Variants in CTNND2 observed in about 807,000 individuals in gnomAD.
The protein encoded by CTNND2 is catenin delta-2.
CTNND2 carries 22 observed loss-of-function variants against 144.4 expected under a neutral mutation model. That is an observed-to-expected ratio of 0.15 (90% confidence interval 0.11 to 0.22). The LOEUF (loss-of-function observed/expected upper bound fraction) is 0.22, where lower values mean the gene tolerates loss of function less well. Among genes scored for constraint, CTNND2 ranks in the 10% least tolerant of loss-of-function variants. The probability of loss-of-function intolerance (pLI) is 1.00; values close to 1 mark genes in which losing one functional copy is unlikely to be tolerated. For synonymous variants in CTNND2, 751 were observed against 695.6 expected (o/e 1.08, Z -1.25); for missense variants, 1,353 against 1,618.8 (o/e 0.84, Z 2.82).
chr5:11,276,135 C>T (rs753106842), intron 9 of CTNND2, among the ~76,000 whole-genome samples: 4 of 152,166 alleles, frequency 2.6e-5, no homozygotes, highest in South Asian at 2.1e-4. Flanking sequence ...TCAGTGAGGA[C>T]GTGACATTCG....
intron 2 of CTNND2, among the ~76,000 whole-genome samples, chr5:11,574,874 A>T (rs1212212872): frequency 6.6e-6 from 1 of 152,196 alleles, no homozygotes; most frequent in African/African-American, 2.4e-5. Flanking sequence ...AAAATCGATG[A>T]CTTGCATTTC....
At chr5:11,516,823 C>T (rs947978100) in intron 3 of CTNND2, among the ~76,000 whole-genome samples, 2 of 152,094 alleles carry the variant, frequency 1.3e-5, no homozygotes, top group Admixed American at 6.5e-5. Flanking sequence ...CAGAAGTTAA[C>T]ATGCTTACCC....
chr5:11,798,399 T>C (rs191844373), intron 1 of CTNND2, among the ~76,000 whole-genome samples: 2 of 152,338 alleles, frequency 1.3e-5, no homozygotes, highest in East Asian at 1.9e-4. Context: ...ACTCTTCTGG[T>C]AACCACTGAT....
chr5:11,796,766 C>A (rs1791427982), intron 1 of CTNND2, among the ~76,000 whole-genome samples: 1 of 152,034 alleles, frequency 6.6e-6, no homozygotes, highest in Non-Finnish European at 1.5e-5. Flanking sequence ...AAAACTAAAC[C>A]TCAATTTACA....
chr5:11,344,048 T>C (rs1193265310), intron 9 of CTNND2, among the ~76,000 whole-genome samples: 2 of 152,204 alleles, frequency 1.3e-5, no homozygotes, highest in African/African-American at 4.8e-5. Flanking sequence ...TGCAAAAATC[T>C]TGTCTTAAAA....
intron 1 of CTNND2, among the ~76,000 whole-genome samples, chr5:11,734,040 AC>A (rs1232195688): frequency 6.6e-6 from 1 of 152,090 alleles, no homozygotes; most frequent in African/African-American, 2.4e-5. Context: ...AGACTTCTCT[AC>A]CCTCCCACGA....
intron 14 of CTNND2, among the ~76,000 whole-genome samples, chr5:11,107,887 C>G (rs1752577514): frequency 1.3e-5 from 2 of 152,150 alleles, no homozygotes; most frequent in East Asian, 3.9e-4. Flanking sequence ...AGCATCCACC[C>G]ACAATTAAAC....
chr5:11,667,517 T>G (rs537162137), intron 2 of CTNND2, among the ~76,000 whole-genome samples: 14 of 152,248 alleles, frequency 9.2e-5, no homozygotes, highest in African/African-American at 3.4e-4. Flanking sequence ...TAATGACCAG[T>G]GATGATGAGC....
intron 10 of CTNND2, among the ~76,000 whole-genome samples, chr5:11,211,406 A>T (rs1738619060): frequency 6.6e-6 from 1 of 152,340 alleles, no homozygotes; most frequent in East Asian, 1.9e-4. Context: ...AGCTAGGGCC[A>T]CTGCCCTTGT....
intron 2 of CTNND2, among the ~76,000 whole-genome samples, chr5:11,640,048 G>T (rs1347963303): frequency 6.6e-6 from 1 of 152,182 alleles, no homozygotes; most frequent in African/African-American, 2.4e-5. Context: ...CTTGGGTATT[G>T]TTGCATGTTG....
intron 2 of CTNND2, among the ~76,000 whole-genome samples, chr5:11,646,893 T>A (rs371082330): frequency 3.9e-5 from 6 of 152,322 alleles, no homozygotes; most frequent in East Asian, 3.9e-4. Context: ...AGGAAGCTGC[T>A]GACACTTGGG....
At chr5:11,601,441 GA>G (rs1207739678) in intron 2 of CTNND2, among the ~76,000 whole-genome samples, 1 of 151,792 alleles carries the variant, frequency 6.6e-6, no homozygotes. Context: ...TAAATAATTG[GA>G]ACAGATTTAA....
At chr5:11,893,471 A>C (rs1737150254) in intron 1 of CTNND2, among the ~76,000 whole-genome samples, 1 of 152,210 alleles carries the variant, frequency 6.6e-6, no homozygotes, top group South Asian at 2.1e-4. Flanking sequence ...ATGAATGCAT[A>C]AATCAATAAA....
rs759045713 is a variant in CTNND2 at position 11,626,515 on chromosome 5, C to CA, written c.175-61460dup. 1.2e-4 allele frequency among the ~76,000 whole-genome samples: 18 copies of CA among 152,226 alleles called. No individual in the cohort carries two copies. The East Asian group carries it at 3.5e-3, about 29-fold the overall frequency. ...TAAAATTATATTCCATCAACCATCA[C>CA]AAATTGAAGAGTCAGAGTGTTTAAG... On this transcript the variant is annotated intron_variant, in intron 2 of 21. Transcript: ENST00000304623.
chr5:11,171,943 T>C (rs1052209206), intron 11 of CTNND2, among the ~76,000 whole-genome samples: 19 of 152,218 alleles, frequency 1.2e-4, no homozygotes, highest in Admixed American at 9.8e-4. Context: ...AGATGCCACC[T>C]AAAATATTAA....
intron 1 of CTNND2, among the ~76,000 whole-genome samples, chr5:11,765,134 G>C (rs1789508330): frequency 6.9e-6 from 1 of 145,962 alleles, no homozygotes; most frequent in Non-Finnish European, 1.5e-5. Context: ...ATTTAATGCA[G>C]ACAAGCAAAG....
intron 1 of CTNND2, among the ~76,000 whole-genome samples, chr5:11,776,604 C>G (rs1790267021): frequency 6.6e-6 from 1 of 152,112 alleles, no homozygotes; most frequent in Non-Finnish European, 1.5e-5. Flanking sequence ...CATGGGAACA[C>G]TGAGACTCAG....
intron 12 of CTNND2, among the ~76,000 whole-genome samples, chr5:11,157,850 G>A (rs982541719): frequency 2.6e-5 from 4 of 152,188 alleles, no homozygotes; most frequent in Non-Finnish European, 5.9e-5. Flanking sequence ...TCGAGCTGCT[G>A]TATGTGTGAA....
At chr5:11,399,376 T>G (rs868201328) in intron 5 of CTNND2, among the ~76,000 whole-genome samples, 2 of 151,080 alleles carry the variant, frequency 1.3e-5, no homozygotes, top group Non-Finnish European at 2.9e-5. Flanking sequence ...TGGAAGAAGT[T>G]TAGCATTATC....
Sources: gnomAD v4.1 joint callset for allele counts (sites outside exome capture counted in the v4.1 genomes callset) on GRCh38, gnomAD v4.1.1 for gene constraint, MANE v1.5 for transcripts, NCBI Gene and HGNC (gene_info 2026-07-23, HGNC 2026-07-21) for gene names.